Variants in BFAR observed in about 807,000 individuals in gnomAD.
BFAR encodes the protein RING finger protein 47.
BFAR carries 52 observed loss-of-function variants against 54.4 expected under a neutral mutation model. That is an observed-to-expected ratio of 0.96 (90% CI 0.77 to 1.21). BFAR has a LOEUF of 1.21. BFAR is among the 50% of genes most tolerant of loss of function. BFAR has a pLI of 0.00. For synonymous variants in BFAR, 215 were observed against 204.3 expected (o/e 1.05, Z -0.45); for missense variants, 571 against 534.0 (o/e 1.07, Z -0.68).
intron 5 of BFAR, among the ~76,000 whole-genome samples, chr16:14,659,579 C>G (rs1017194481): frequency 7.0e-6 from 1 of 142,424 alleles, no homozygotes; most frequent in Admixed American, 7.3e-5. Context: ...GAGATGGAGT[C>G]TCACTCTGTC....
Position 14,644,434 on chromosome 16 carries a change from A to G in BFAR, c.88A>G (p.Ser30Gly), listed in dbSNP as rs1459121293. The G allele has an allele frequency of 6.2e-7, 1 of 1,614,062 alleles. No homozygotes were observed. The highest frequency in any genetic ancestry group is 1.1e-5 in the South Asian group (1 of 91,082). Residue 30 changes from serine (S) to glycine (G), a missense_variant, in exon 2 of 8, where the codon AGT (serine) becomes GGT (glycine). Transcript: ENST00000261658. ...AAGCACCGGCCCTCAGATTTCTGTT[A>G]GTGAATTTTCTTGCCACTGCTGCTA... is the stretch of plus-strand genomic sequence containing the variant. ...LKSTGPQISV[S>G]EFSCHCCYDI...
intron 2 of BFAR, among the ~76,000 whole-genome samples, chr16:14,645,273 A>G (rs1346263948): frequency 6.6e-6 from 1 of 151,988 alleles, no homozygotes; most frequent in African/African-American, 2.4e-5. Flanking sequence ...TCACACCACT[A>G]CACTCCAGCC....
At chr16:14,655,231 T>A (rs1232304462) in intron 5 of BFAR, 21 bp downstream of exon 5, 1 of 1,364,342 alleles carries the variant, frequency 7.3e-7, no homozygotes, top group African/African-American at 1.5e-5. Context: ...TAATTTTTTT[T>A]TTTTTTTTTT....
At chr16:14,648,202 A>T (rs1959857925) in intron 2 of BFAR, among the ~76,000 whole-genome samples, 186 bp from the exon 3 acceptor site, 1 of 152,214 alleles carries the variant, frequency 6.6e-6, no homozygotes, top group African/African-American at 2.4e-5. Flanking sequence ...GGAGAAAGTA[A>T]TGGTAAACAA....
chr16:14,645,297 A>C (rs1342233645), intron 2 of BFAR, among the ~76,000 whole-genome samples: 1 of 152,100 alleles, frequency 6.6e-6, no homozygotes, highest in Non-Finnish European at 1.5e-5. Flanking sequence ...GCAACAGAGC[A>C]AGACCCTGTC....
At chr16:14,665,632 G>C in intron 7 of BFAR, among the ~76,000 whole-genome samples, 1 of 152,246 alleles carries the variant, frequency 6.6e-6, no homozygotes, top group East Asian at 1.9e-4. Flanking sequence ...AATTGCTTAG[G>C]GTCGGGATCT....
At chr16:14,650,800 C>T (rs912883506) in intron 4 of BFAR, among the ~76,000 whole-genome samples, 1 of 152,124 alleles carries the variant, frequency 6.6e-6, no homozygotes, top group Non-Finnish European at 1.5e-5. Context: ...ATGCTATGAT[C>T]GTTCATGTGC....
intron 7 of BFAR, among the ~76,000 whole-genome samples, chr16:14,666,719 A>G (rs1960451645): frequency 6.6e-6 from 1 of 152,140 alleles, no homozygotes; most frequent in African/African-American, 2.4e-5. Flanking sequence ...TCACCTTTCC[A>G]ATGGTGACTC....
At position 14,655,224 on chromosome 16, in the gene BFAR, T is replaced by A. The variant is rs79997682; in HGVS notation, c.783+14T>A. 4.6e-6 allele frequency: 1 copy of A among 219,336 alleles called. No individual in the cohort carries two copies. The allele number at this position is 219,336 out of a possible 1,614,324, so 13.6% of individuals were successfully genotyped here. A position where few individuals can be genotyped will look rare whatever the true frequency, so the allele number is the denominator to read the frequency against. ...TGGGAATATAAGGTGAACACTTTAA[T>A]TTTTTTTTTTTTTTTTTACTTTTTA... On this transcript the variant is annotated intron_variant, in intron 5 of 7. Coordinates refer to ENST00000261658, the MANE Select transcript of BFAR (RefSeq NM_016561.3).
intron 2 of BFAR, among the ~76,000 whole-genome samples, chr16:14,646,276 C>T (rs1275184580): frequency 6.6e-6 from 1 of 152,130 alleles, no homozygotes. Context: ...TAGTCTCAAA[C>T]TCCTTACCTC....
intron 5 of BFAR, among the ~76,000 whole-genome samples, chr16:14,659,225 G>GTTTTTTTT (rs1295639386): frequency 2.7e-4 from 38 of 141,412 alleles, no homozygotes; most frequent in South Asian, 4.6e-4. Context: ...ATGCAATTTG[G>GTTTTTTTT]TTTTTTTTGT....
Position 14,666,813 on chromosome 16 carries a change from G to T in BFAR, c.1161-822G>T, listed in dbSNP as rs115010798. ...ATTTATATACAATATGCATATTTAT[G>T]CCCCTACTGTACTCCTGGTTCTCTC... is the stretch of plus-strand genomic sequence containing the variant. On this transcript the variant is annotated intron_variant, in intron 7 of 7. Coordinates refer to ENST00000261658, the MANE Select transcript of BFAR (RefSeq NM_016561.3). Among the ~76,000 whole-genome samples the T allele has an allele frequency of 2.7e-3, 414 of 152,206 alleles. 3 individuals are homozygous for T. Among genetic ancestry groups the T allele is most frequent in the African/African-American group, 9.4e-3 (392 of 41,524 alleles).
At chr16:14,633,149 C>G (rs1959310365) in intron 1 of BFAR, 131 bp downstream of exon 1, 1 of 152,330 alleles carries the variant, frequency 6.6e-6, no homozygotes, top group Admixed American at 6.5e-5. Flanking sequence ...CGCGCGGGGC[C>G]TCTCCTCACG....
chr16:14,639,333 A>G (rs1224505998), intron 1 of BFAR, among the ~76,000 whole-genome samples: 1 of 151,284 alleles, frequency 6.6e-6, no homozygotes, highest in Non-Finnish European at 1.5e-5. Flanking sequence ...TTTCAGACAG[A>G]GTCTCGCTGT....
rs1206858173 is a variant in BFAR, at chr16:14,660,493, C to T, written c.784-1399C>T. ...GTAGACAGGGTTTCATCATATTGGT[C>T]AGGCTGGTCTCGAACTCCTGACCTC... is the stretch of plus-strand genomic sequence containing the variant. On this transcript the variant is annotated intron_variant, in intron 5 of 7. Coordinates refer to ENST00000261658, the MANE Select transcript of BFAR (RefSeq NM_016561.3). 2.7e-5 allele frequency among the ~76,000 whole-genome samples: 4 copies of T among 150,870 alleles called. No homozygotes were observed. The East Asian group carries it at 5.9e-4, about 22-fold the overall frequency.
chr16:14,666,369 G>A (rs774515839), intron 7 of BFAR, among the ~76,000 whole-genome samples: 2 of 152,122 alleles, frequency 1.3e-5, no homozygotes, highest in Admixed American at 6.6e-5. Context: ...TCAGGAGTTC[G>A]AGACCAGCCT....
At chr16:14,652,757 A>G (rs1399553549) in intron 4 of BFAR, among the ~76,000 whole-genome samples, 1 of 152,162 alleles carries the variant, frequency 6.6e-6, no homozygotes, top group East Asian at 1.9e-4. Context: ...TGATTGTACT[A>G]AACAGACATG....
chr16:14,642,806 T>G (rs1253233438), intron 1 of BFAR, among the ~76,000 whole-genome samples: 7 of 152,212 alleles, frequency 4.6e-5, no homozygotes, highest in Non-Finnish European at 8.8e-5. Flanking sequence ...AGCATATCTG[T>G]TGTTACCAAC....
At chr16:14,637,920 CTT>C (rs1567483141) in intron 1 of BFAR, among the ~76,000 whole-genome samples, 3 of 150,780 alleles carry the variant, frequency 2.0e-5, no homozygotes, top group East Asian at 3.9e-4. Context: ...TAATTTCTCT[CTT>C]TGATTTTTTT....
Sources: allele counts gnomAD v4.1 joint callset (sites outside exome capture counted in the v4.1 genomes callset), GRCh38; gene constraint gnomAD v4.1.1; transcripts MANE v1.5; gene names NCBI Gene and HGNC (gene_info 2026-07-23, HGNC 2026-07-21).